SOX30: variants seen among roughly 807,000 people sequenced by gnomAD.
SOX30 encodes the protein SRY-box transcription factor 30, also known as transcription factor SOX-30.
SOX30 carries 17 observed loss-of-function variants against 58.6 expected under a neutral mutation model. The observed-to-expected ratio is 0.29, with a 90% CI of 0.20 to 0.44. SOX30 has a LOEUF of 0.44. Among genes scored for constraint, SOX30 ranks in the 20% least tolerant of loss-of-function variants. SOX30 has a pLI of 1.00. For synonymous variants in SOX30, 421 were observed against 400.2 expected (o/e 1.05, Z -0.62); for missense variants, 951 against 965.8 (o/e 0.98, Z 0.20).
intron 3 of SOX30, 104 bp downstream of exon 3, chr5:157,646,532 TG>T: frequency 1.2e-6 from 1 of 809,782 alleles, no homozygotes; most frequent in Non-Finnish European, 1.9e-6. Context: ...TTCTTAACAT[TG>T]TTGTTCCAAA....
intron 1 of SOX30, 88 bp downstream of exon 1, chr5:157,651,024 T>C (rs936594901): frequency 2.0e-5 from 20 of 986,580 alleles, no homozygotes; most frequent in Non-Finnish European, 2.7e-5. Context: ...ACTTTACTTT[T>C]GTAGTTTAGA....
intron 4 of SOX30, among the ~76,000 whole-genome samples, chr5:157,627,387 A>C (rs1030138387): frequency 6.6e-6 from 1 of 152,128 alleles, no homozygotes; most frequent in South Asian, 2.1e-4. Context: ...AAACAAAAAA[A>C]CCCACAGAAT....
intron 2 of SOX30, among the ~76,000 whole-genome samples, chr5:157,658,691 C>T (rs1759525961): frequency 6.6e-6 from 1 of 152,136 alleles, no homozygotes; most frequent in African/African-American, 2.4e-5. Context: ...GGATTTTCAA[C>T]CCTCTGCAAC....
At chr5:157,631,068 T>TATTTTATATATATATATATAC (rs1561578563) in intron 4 of SOX30, among the ~76,000 whole-genome samples, 1 of 17,294 alleles carries the variant, frequency 5.8e-5, no homozygotes, top group African/African-American at 9.7e-5. Flanking sequence ...TATATATATA[T>TATTTTATATATATATATATAC]ACACACAATA....
rs369122987 is a variant in SOX30 at position 157,626,597 on chromosome 5, C to T, written c.2005G>A (p.Asp669Asn). 6.2e-7 allele frequency: 1 copy of T among 1,614,038 alleles called. No individual in the cohort carries two copies. The highest frequency in any genetic ancestry group is 1.3e-5 in the African/African-American group (1 of 74,912). Reference protein sequence around the residue: ...HEGIFSTLNRDYSFRDYSSEC... With the variant: ...HEGIFSTLNRNYSFRDYSSEC... ...CTTGAGTAGTCTCTAAAAGAATAGT[C>T]TCTATTTAAAGTTGAAAAGATACCC... Residue 669 changes from aspartate (D) to asparagine (N), a missense_variant, in exon 5 of 5, where the codon GAC becomes AAC. Physicochemically the swap from Asp to Asn is conservative, Grantham distance 23. Coordinates refer to ENST00000265007, the MANE Select transcript of SOX30 (RefSeq NM_178424.2).
At chr5:157,646,189 G>A (rs926228412) in intron 3 of SOX30, among the ~76,000 whole-genome samples, 1 of 152,140 alleles carries the variant, frequency 6.6e-6, no homozygotes, top group Non-Finnish European at 1.5e-5. Context: ...CAAATATTTG[G>A]TAGAAAATAG....
upstream of SOX30, among the ~76,000 whole-genome samples, chr5:157,653,275 A>G (rs971250151): frequency 6.6e-6 from 1 of 152,174 alleles, no homozygotes; most frequent in African/African-American, 2.4e-5. Flanking sequence ...TGGTCTACTT[A>G]TACCTCTATC....
intron 2 of SOX30, among the ~76,000 whole-genome samples, chr5:157,666,381 A>G (rs909967577): frequency 1.3e-5 from 2 of 151,630 alleles, no homozygotes; most frequent in Non-Finnish European, 2.9e-5. Context: ...GCTGGTCTCA[A>G]ACTCCTGGGC....
chr5:157,627,277 C>A (rs972886847), intron 4 of SOX30, among the ~76,000 whole-genome samples: 1 of 151,882 alleles, frequency 6.6e-6, no homozygotes, highest in African/African-American at 2.4e-5. Context: ...GCAGGAGGAT[C>A]GCTTGAACCC....
chr5:157,651,825 T>G lies in SOX30; in HGVS notation c.254A>C (p.Gln85Pro). The G allele has an allele frequency of 1.9e-6, 3 of 1,586,904 alleles. No homozygotes were observed. Among genetic ancestry groups the G allele is most frequent in the Non-Finnish European group, 2.6e-6 (3 of 1,170,658 alleles). ...GGCAGCGGCTTCCTCGTTCTGGGCC[T>G]GAGGCTGTGGTAGCAGCAACACCTG... is the stretch of plus-strand genomic sequence containing the variant. The part of the protein sequence containing the change: ...PEQVLLLPQP[Q>P]AQNEEAAASS... The change falls in exon 1 of 5, where the codon CAG becomes CCG. Residue 85 changes from glutamine to proline, a missense_variant. Gln to Pro is a moderately conservative substitution (Grantham distance 76). Coordinates refer to ENST00000265007, the MANE Select transcript of SOX30 (RefSeq NM_178424.2).
At position 157,638,549 on chromosome 5, in the gene SOX30, T is replaced by C. The variant is rs1458211936; in HGVS notation, c.1561A>G (p.Thr521Ala). The change falls in exon 4 of 5, where the codon ACT becomes GCT. Residue 521 changes from threonine to alanine, a missense_variant. By Grantham distance (58) the Thr-to-Ala change is moderately conservative (BLOSUM62 0). Coordinates refer to ENST00000265007, the MANE Select transcript of SOX30 (RefSeq NM_178424.2). ...GTGGCTTCAGAATGCAGCTGATGAG[T>C]GTCTGTTTGGGAAGGCCCAGTAAAG... is the stretch of plus-strand genomic sequence containing the variant. ...QRFTGPSQTD[T>A]HQLHSEATHT... 2.5e-6 allele frequency: 4 copies of C among 1,613,980 alleles called. No homozygotes were observed. Among genetic ancestry groups the C allele is most frequent in the South Asian group, 2.2e-5 (2 of 91,078 alleles).
At chr5:157,649,773 G>C (rs766773285) in intron 1 of SOX30, among the ~76,000 whole-genome samples, 7 of 152,198 alleles carry the variant, frequency 4.6e-5, no homozygotes. Flanking sequence ...CTGGGCAACA[G>C]AGTGAGACTC....
intron 3 of SOX30, among the ~76,000 whole-genome samples, chr5:157,645,662 G>GA (rs370048560): frequency 0.053 from 7,193 of 134,590 alleles, 260 homozygotes; most frequent in East Asian, 0.1. Context: ...ACCCTGTCTG[G>GA]AAAAAAAAAA....
intron 2 of SOX30, among the ~76,000 whole-genome samples, chr5:157,660,652 G>A (rs901017187): frequency 2.6e-5 from 4 of 151,860 alleles, no homozygotes; most frequent in African/African-American, 9.7e-5. Flanking sequence ...GAGTCACCGT[G>A]CCAAGCTATA....
At chr5:157,669,491 TTTA>T (rs1759734095) in intron 1 of SOX30, among the ~76,000 whole-genome samples, 2 of 114,532 alleles carry the variant, frequency 1.7e-5, no homozygotes, top group African/African-American at 6.6e-5. Flanking sequence ...ATCAATTTTA[TTTA>T]TTTATTTATT....
chr5:157,667,982 C>T (rs1759703087), intron 1 of SOX30: 2 of 1,020,116 alleles, frequency 2.0e-6, no homozygotes, highest in East Asian at 5.2e-5. Flanking sequence ...GCAAGAAAAC[C>T]AAGGCACAGA....
chr5:157,645,212 A>C (rs1215655773), intron 3 of SOX30, among the ~76,000 whole-genome samples: 3 of 152,250 alleles, frequency 2.0e-5, no homozygotes, highest in African/African-American at 7.2e-5. Flanking sequence ...ATACATTAAA[A>C]AACAACAACA....
chr5:157,655,706 AC>A (rs1374027044), upstream of SOX30, among the ~76,000 whole-genome samples: 1 of 152,026 alleles, frequency 6.6e-6, no homozygotes, highest in African/African-American at 2.4e-5. Flanking sequence ...GCTTCCCTGA[AC>A]GCCTGGCCTT....
At chr5:157,667,474 T>C (rs1189743907) in intron 2 of SOX30, among the ~76,000 whole-genome samples, 1 of 152,206 alleles carries the variant, frequency 6.6e-6, no homozygotes, top group Non-Finnish European at 1.5e-5. Context: ...GGTTCATGCC[T>C]GTAATCCCAG....
Sources: gnomAD v4.1 joint callset for allele counts (sites outside exome capture counted in the v4.1 genomes callset) on GRCh38, gnomAD v4.1.1 for gene constraint, MANE v1.5 for transcripts, NCBI Gene and HGNC (gene_info 2026-07-23, HGNC 2026-07-21) for gene names.